The following SEM1 variants were observed in gnomAD, a reference collection of about 807,000 sequenced individuals.
The protein encoded by SEM1 is 26S proteasome complex subunit SEM1.
In SEM1, 3 loss-of-function variants were observed where a neutral mutation model predicts 12.7. That is an observed-to-expected ratio of 0.24 (90% CI 0.11 to 0.61). SEM1 has a LOEUF of 0.61. Ranked by LOEUF, SEM1 falls within the 20% of genes least tolerant of loss-of-function variation. SEM1 has a pLI of 0.88. For missense variants in SEM1, 59 were observed against 81.3 expected (o/e 0.73, Z 1.06); for synonymous variants, 30 against 27.8 (o/e 1.08, Z -0.25).
intron 2 of SEM1, among the ~76,000 whole-genome samples, chr7:96,653,381 T>C (rs1048565766): frequency 2.2e-4 from 33 of 152,198 alleles, no homozygotes; most frequent in African/African-American, 7.5e-4. Flanking sequence ...ACAGAGATAA[T>C]TGCCTAGCTC....
At chr7:96,639,337 G>A (rs142686058) in intron 2 of SEM1, among the ~76,000 whole-genome samples, 565 of 151,972 alleles carry the variant, frequency 3.7e-3, no homozygotes, top group Middle Eastern at 0.01. Context: ...AAGACTTCCC[G>A]TAAAGATATA....
intron 2 of SEM1, among the ~76,000 whole-genome samples, chr7:96,546,680 G>A (rs1046452886): frequency 6.6e-6 from 1 of 152,102 alleles, no homozygotes; most frequent in Non-Finnish European, 1.5e-5. Context: ...CGATCTTCAT[G>A]AGGATATTGA....
chr7:96,619,884 GGCAGGGGGAAGCCTA>G (rs1162469633), downstream of SEM1, among the ~76,000 whole-genome samples: 2 of 152,210 alleles, frequency 1.3e-5, no homozygotes, highest in South Asian at 4.2e-4. Context: ...TTTGCCCAAG[GGCAGGGGGAAGCCTA>G]GCATTAAACT....
At chr7:96,673,935 T>C in intron 2 of SEM1, 1 of 729,616 alleles carries the variant, frequency 1.4e-6, no homozygotes, top group Non-Finnish European at 2.5e-6. Flanking sequence ...GACCACAGCA[T>C]AAGCCTGGCC....
intron 2 of SEM1, among the ~76,000 whole-genome samples, chr7:96,628,961 T>C (rs1335982093): frequency 1.3e-5 from 2 of 152,216 alleles, no homozygotes. Context: ...AATTACGTCA[T>C]GCCCCTCTCT....
chr7:96,702,403 G>A (rs1326684332), intron 1 of SEM1, among the ~76,000 whole-genome samples: 2 of 152,148 alleles, frequency 1.3e-5, no homozygotes, highest in Non-Finnish European at 1.5e-5. Flanking sequence ...TTGGAGCAAC[G>A]GCTGATTTCA....
intron 1 of SEM1, among the ~76,000 whole-genome samples, chr7:96,699,576 T>C (rs1312145025): frequency 6.6e-6 from 1 of 152,186 alleles, no homozygotes; most frequent in East Asian, 1.9e-4. Context: ...GCAAATACAA[T>C]ATACATACAC....
chr7:96,496,600 GA>G (rs567504086), upstream of SEM1, among the ~76,000 whole-genome samples: 339 of 151,732 alleles, frequency 2.2e-3, 11 homozygotes, highest in Admixed American at 0.022. Context: ...TTTAGGATAA[GA>G]AAAAAAATAC....
chr7:96,540,366 CAA>C (rs1804907970), intron 2 of SEM1, among the ~76,000 whole-genome samples: 1 of 151,338 alleles, frequency 6.6e-6, no homozygotes, highest in Non-Finnish European at 1.5e-5. Flanking sequence ...TAAAATCAAA[CAA>C]ATTAAAATAG....
chr7:96,542,336 C>G (rs7786962), intron 2 of SEM1, among the ~76,000 whole-genome samples: 86,351 of 151,506 alleles, frequency 0.57, 26,618 homozygotes, highest in Non-Finnish European at 0.69. Context: ...TACATATATT[C>G]TTAGGTATTT....
At chr7:96,512,351 C>T (rs1409800211) in intron 2 of SEM1, among the ~76,000 whole-genome samples, 1 of 152,058 alleles carries the variant, frequency 6.6e-6, no homozygotes, top group Admixed American at 6.6e-5. Context: ...TATGATCCAT[C>T]TGAGATTTAT....
chr7:96,550,842 G>A (rs1584755696), intron 2 of SEM1, among the ~76,000 whole-genome samples: 1 of 152,054 alleles, frequency 6.6e-6, no homozygotes, highest in Non-Finnish European at 1.5e-5. Flanking sequence ...TGGCCTATGC[G>A]ATCAAAAAGG....
chr7:96,635,858 A>G lies in SEM1; in HGVS notation c.171-13215T>C, dbSNP rs147183378. 4.6e-4 allele frequency among the ~76,000 whole-genome samples: 70 copies of G among 152,244 alleles called. No homozygotes were observed. The East Asian group carries it at 0.013, about 29-fold the overall frequency. On this transcript the variant is annotated intron_variant, in intron 2 of 2. Transcript: ENST00000417009. ...CAGCAGGGAGAATGATCATTTTATA[A>G]ATGACCTTGGTATAATTTATTAGTT...
chr7:96,698,968 C>G (rs936119624), intron 1 of SEM1, among the ~76,000 whole-genome samples: 1 of 152,086 alleles, frequency 6.6e-6, no homozygotes, highest in Admixed American at 6.5e-5. Context: ...CTTCCTGAAC[C>G]TGGTAGATTT....
intron 2 of SEM1, among the ~76,000 whole-genome samples, chr7:96,660,676 A>G (rs903131105): frequency 1.3e-5 from 2 of 152,286 alleles, no homozygotes; most frequent in Non-Finnish European, 2.9e-5. Context: ...CAGTTTAAAT[A>G]TAGTCCCAAA....
At chr7:96,565,523 GT>G (rs1419131649) in intron 2 of SEM1, among the ~76,000 whole-genome samples, 1 of 151,846 alleles carries the variant, frequency 6.6e-6, no homozygotes, top group Non-Finnish European at 1.5e-5. Context: ...CAACAGAGGT[GT>G]TTTTTATGTT....
chr7:96,496,722 G>A (rs1442935202), upstream of SEM1, among the ~76,000 whole-genome samples: 1 of 152,028 alleles, frequency 6.6e-6, no homozygotes, highest in Non-Finnish European at 1.5e-5. Context: ...TTTCTCATTT[G>A]AATGATTTCT....
At chr7:96,707,362 T>C (rs10228128) in intron 1 of SEM1, among the ~76,000 whole-genome samples, 4,244 of 152,346 alleles carry the variant, frequency 0.028, 224 homozygotes, top group African/African-American at 0.096. Flanking sequence ...GAGTAAATAT[T>C]GAGTGGTTTC....
chr7:96,704,014 C>CACACAT (rs3219557), intron 1 of SEM1, among the ~76,000 whole-genome samples: 13 of 149,186 alleles, frequency 8.7e-5, no homozygotes, highest in East Asian at 7.9e-4. Flanking sequence ...CACACACATA[C>CACACAT]ATAAAAGAAC....
Sources: gnomAD v4.1 joint callset for allele counts (sites outside exome capture counted in the v4.1 genomes callset) on GRCh38, gnomAD v4.1.1 for gene constraint, MANE v1.5 for transcripts, NCBI Gene and HGNC (gene_info 2026-07-23, HGNC 2026-07-21) for gene names.